NCALD: variants seen among roughly 807,000 people sequenced by gnomAD.
The protein encoded by NCALD is neurocalcin-delta.
Under a neutral mutation model 18.6 loss-of-function variants are expected in NCALD, and 10 were observed. The ratio of observed to expected loss-of-function variants is 0.54; its 90% CI spans 0.33 to 0.91. The LOEUF (loss-of-function observed/expected upper bound fraction) is 0.91, where lower values mean the gene tolerates loss of function less well. Among genes scored for constraint, NCALD ranks in the 40% least tolerant of loss-of-function variants. The pLI is 0.03. For synonymous variants in NCALD, 88 were observed against 87.4 expected (o/e 1.01, Z -0.04); for missense variants, 184 against 247.6 (o/e 0.74, Z 1.72).
intron 4 of NCALD, among the ~76,000 whole-genome samples, chr8:101,854,820 T>A (rs977134577): frequency 2.0e-5 from 3 of 152,156 alleles, no homozygotes; most frequent in African/African-American, 7.2e-5. Context: ...CTGAATCACA[T>A]GTTTAGGAAT....
chr8:101,815,976 C>G (rs1813479557), intron 4 of NCALD, among the ~76,000 whole-genome samples: 1 of 151,994 alleles, frequency 6.6e-6, no homozygotes, highest in Non-Finnish European at 1.5e-5. Context: ...GAATGAGCTA[C>G]AAAACCACGA....
chr8:101,863,556 T>G (rs562180740), intron 4 of NCALD, among the ~76,000 whole-genome samples: 3 of 152,298 alleles, frequency 2.0e-5, no homozygotes, highest in East Asian at 1.9e-4. Context: ...TGGTTGGTAT[T>G]CTTAAAATAA....
At chr8:101,877,063 A>G (rs1276986389) in intron 4 of NCALD, among the ~76,000 whole-genome samples, 3 of 152,228 alleles carry the variant, frequency 2.0e-5, no homozygotes, top group Non-Finnish European at 4.4e-5. Context: ...AAATAAACGA[A>G]TTAATAAATA....
intron 2 of NCALD, among the ~76,000 whole-genome samples, chr8:101,980,615 G>A (rs891674856): frequency 2.0e-5 from 3 of 152,160 alleles, no homozygotes; most frequent in Non-Finnish European, 2.9e-5. Context: ...TCCTTTTCAC[G>A]TATTTCAAGG....
At chr8:101,710,114 C>A (rs986004370) in intron 2 of NCALD, among the ~76,000 whole-genome samples, 2 of 152,184 alleles carry the variant, frequency 1.3e-5, no homozygotes, top group East Asian at 1.9e-4. Flanking sequence ...GTGAGTACAG[C>A]CCACGGAGGG....
chr8:101,875,319 A>G (rs1816185262), intron 4 of NCALD, among the ~76,000 whole-genome samples: 1 of 152,208 alleles, frequency 6.6e-6, no homozygotes, highest in African/African-American at 2.4e-5. Context: ...CCCCTCCTCA[A>G]CAGGAGGCAA....
chr8:101,892,380 G>A (rs561064009), intron 3 of NCALD, among the ~76,000 whole-genome samples: 6 of 148,140 alleles, frequency 4.1e-5, no homozygotes, highest in Admixed American at 4.0e-4. Context: ...CATTATCAAA[G>A]ACCAAAAGTA....
intron 4 of NCALD, among the ~76,000 whole-genome samples, chr8:101,865,521 T>A (rs1815731427): frequency 6.6e-6 from 1 of 152,138 alleles, no homozygotes; most frequent in South Asian, 2.1e-4. Context: ...ACATGAACAC[T>A]TACATGGTCC....
intron 1 of NCALD, among the ~76,000 whole-genome samples, chr8:102,025,250 G>A (rs1334354194): frequency 6.6e-6 from 1 of 152,202 alleles, no homozygotes; most frequent in Non-Finnish European, 1.5e-5. Flanking sequence ...TAAGGTCAAT[G>A]TGACTCTCTC....
At chr8:101,889,970 T>C (rs1816812838) in intron 3 of NCALD, among the ~76,000 whole-genome samples, 2 of 152,206 alleles carry the variant, frequency 1.3e-5, no homozygotes, top group East Asian at 1.9e-4. Context: ...GAGAAGTTCT[T>C]AAGGCACAAA....
chr8:102,121,775 C>A (rs1825952534), intron 1 of NCALD, among the ~76,000 whole-genome samples: 1 of 152,180 alleles, frequency 6.6e-6, no homozygotes, highest in Non-Finnish European at 1.5e-5. Flanking sequence ...GCAAGGATCC[C>A]ATCAGTTTCA....
At chr8:102,122,824 C>T (rs1825980181) in intron 1 of NCALD, among the ~76,000 whole-genome samples, 1 of 152,236 alleles carries the variant, frequency 6.6e-6, no homozygotes, top group Admixed American at 6.5e-5. Context: ...ATATTGGCAA[C>T]TCTCCTAATA....
chr8:101,943,211 C>T (rs1819024750), intron 2 of NCALD, among the ~76,000 whole-genome samples: 1 of 152,198 alleles, frequency 6.6e-6, no homozygotes, highest in African/African-American at 2.4e-5. Context: ...AGAGACTCCC[C>T]ATCCAGGGAG....
chr8:102,077,543 C>T (rs1824388127), intron 1 of NCALD, among the ~76,000 whole-genome samples: 1 of 152,084 alleles, frequency 6.6e-6, no homozygotes, highest in Admixed American at 6.6e-5. Context: ...AATAATATCC[C>T]TTAACAGTCT....
chr8:101,944,325 T>C (rs1342282595), intron 2 of NCALD, among the ~76,000 whole-genome samples: 2 of 152,200 alleles, frequency 1.3e-5, no homozygotes, highest in African/African-American at 4.8e-5. Flanking sequence ...TATCAGAGGG[T>C]GACACCATCA....
intron 1 of NCALD, among the ~76,000 whole-genome samples, chr8:102,082,817 C>T (rs1257440520): frequency 6.6e-6 from 1 of 152,148 alleles, no homozygotes; most frequent in Non-Finnish European, 1.5e-5. Context: ...CACCGCAGGG[C>T]GCAACTGTAA....
intron 1 of NCALD, among the ~76,000 whole-genome samples, chr8:102,036,120 T>G (rs1025580209): frequency 2.5e-5 from 3 of 121,596 alleles, no homozygotes; most frequent in Admixed American, 7.7e-5. Context: ...AAGGCCCATC[T>G]CTACAAAAAT....
chr8:101,744,097 T>C (rs762793712), intron 1 of NCALD, among the ~76,000 whole-genome samples: 1 of 152,246 alleles, frequency 6.6e-6, no homozygotes, highest in Non-Finnish European at 1.5e-5. Context: ...GCTCAGGCCC[T>C]GGGCCATCAT....
Position 101,688,909 on chromosome 8 carries a change from T to C in NCALD, c.*400A>G, listed in dbSNP as rs11779441. 0.99 allele frequency: 619,834 copies of C among 623,998 alleles called. 308,015 individuals are homozygous for C. The highest frequency in any genetic ancestry group is 1 in the Non-Finnish European group (351,037 of 351,272). The allele number at this position is 623,998 out of a possible 1,614,324, so 38.7% of individuals were successfully genotyped here. On this transcript the variant is annotated 3_prime_UTR_variant, in exon 4 of 4. Coordinates refer to ENST00000220931, the MANE Select transcript of NCALD (RefSeq NM_032041.3). ...CCCTACGGCACGTGTGACAACAGAT[T>C]CAGGTGGGGAGTTTTGTCTTTCAAA... is the stretch of plus-strand genomic sequence containing the variant.
Sources: gnomAD v4.1 joint callset for allele counts (sites outside exome capture counted in the v4.1 genomes callset) on GRCh38, gnomAD v4.1.1 for gene constraint, MANE v1.5 for transcripts, NCBI Gene and HGNC (gene_info 2026-07-23, HGNC 2026-07-21) for gene names.